The following RBFOX1 variants were observed in gnomAD, a reference collection of about 807,000 sequenced individuals.
RBFOX1 encodes RNA binding protein fox-1 homolog 1.
RBFOX1 carries 8 observed loss-of-function variants against 57.7 expected under a neutral mutation model. The observed-to-expected ratio is 0.14, with a 90% CI of 0.08 to 0.25. The LOEUF is 0.25. Among genes scored for constraint, RBFOX1 ranks in the 10% least tolerant of loss-of-function variants. The pLI is 1.00. For synonymous variants in RBFOX1, 326 were observed against 222.4 expected (o/e 1.47, Z -4.15); for missense variants, 611 against 548.5 (o/e 1.11, Z -1.14).
chr16:5,543,480 C>T (rs1031761905), intron 2 of RBFOX1, among the ~76,000 whole-genome samples: 1 of 151,936 alleles, frequency 6.6e-6, no homozygotes, highest in African/African-American at 2.4e-5. Context: ...AGAAACTGTC[C>T]AAAATTAAAC....
At chr16:7,703,756 T>A (rs1052800292) in intron 14 of RBFOX1, among the ~76,000 whole-genome samples, 6 of 152,212 alleles carry the variant, frequency 3.9e-5, no homozygotes, top group Non-Finnish European at 8.8e-5. Flanking sequence ...GGCTGCATAC[T>A]TATTCATTTT....
chr16:6,399,030 C>G (rs56927554), intron 2 of RBFOX1, among the ~76,000 whole-genome samples: 20,849 of 152,220 alleles, frequency 0.14, 2,605 homozygotes, highest in African/African-American at 0.31. Flanking sequence ...GTTCCCAAAC[C>G]TCAATGCTTG....
intron 2 of RBFOX1, among the ~76,000 whole-genome samples, chr16:6,607,157 G>C (rs2097944521): frequency 1.3e-5 from 2 of 152,154 alleles, no homozygotes; most frequent in Admixed American, 1.3e-4. Context: ...AAGCTTCCTA[G>C]AGAATTTGTG....
At chr16:6,948,879 C>T (rs1284981875) in intron 3 of RBFOX1, among the ~76,000 whole-genome samples, 1 of 152,082 alleles carries the variant, frequency 6.6e-6, no homozygotes, top group East Asian at 1.9e-4. Context: ...TTACAGTGAC[C>T]AGAGGGACAG....
chr16:6,672,688 C>G (rs1451550027), intron 3 of RBFOX1, among the ~76,000 whole-genome samples: 1 of 152,174 alleles, frequency 6.6e-6, no homozygotes, highest in African/African-American at 2.4e-5. Flanking sequence ...CATGATTCCG[C>G]TTCTGCTTTT....
At chr16:7,491,243 C>T (rs1049476099) in intron 4 of RBFOX1, among the ~76,000 whole-genome samples, 15 of 152,046 alleles carry the variant, frequency 9.9e-5, no homozygotes, top group African/African-American at 3.6e-4. Flanking sequence ...GGGGTTTCCT[C>T]CGCAGGAACA....
intron 1 of RBFOX1, among the ~76,000 whole-genome samples, chr16:5,347,025 G>T (rs1344569158): frequency 3.3e-5 from 5 of 151,884 alleles, no homozygotes; most frequent in Non-Finnish European, 5.9e-5. Flanking sequence ...CACCTACTTG[G>T]CTTGTTCCTG....
chr16:6,928,403 G>C (rs558895380), intron 3 of RBFOX1, among the ~76,000 whole-genome samples: 2 of 152,230 alleles, frequency 1.3e-5, no homozygotes, highest in South Asian at 4.2e-4. Context: ...TGGGAGCAGA[G>C]GTTGTTGTAG....
At chr16:6,021,114 TGAAAA>T (rs1397832520) in intron 1 of RBFOX1, among the ~76,000 whole-genome samples, 5 of 152,342 alleles carry the variant, frequency 3.3e-5, no homozygotes, top group Middle Eastern at 3.4e-3. Flanking sequence ...CAGTTGAACT[TGAAAA>T]GAAGTGGGGG....
At chr16:6,555,046 C>T (rs2097072111) in intron 2 of RBFOX1, among the ~76,000 whole-genome samples, 1 of 147,132 alleles carries the variant, frequency 6.8e-6, no homozygotes, top group South Asian at 2.1e-4. Flanking sequence ...GGGGAGAGGC[C>T]CAGAATATTA....
intron 2 of RBFOX1, among the ~76,000 whole-genome samples, chr16:5,576,743 C>G (rs1210855332): frequency 6.6e-6 from 1 of 152,214 alleles, no homozygotes; most frequent in Non-Finnish European, 1.5e-5. Context: ...GGTCCACCTT[C>G]TGGGTGGATG....
intron 11 of RBFOX1, 131 bp from the exon 12 acceptor site, chr16:7,653,684 A>T: frequency 7.5e-7 from 1 of 1,342,268 alleles, no homozygotes; most frequent in East Asian, 2.5e-5. Flanking sequence ...TAACCTCTTG[A>T]TTCCGGGAAG....
At chr16:7,217,909 TGTGTGTGTGA>T (rs1311601700) in intron 4 of RBFOX1, among the ~76,000 whole-genome samples, 1 of 151,422 alleles carries the variant, frequency 6.6e-6, no homozygotes, top group Non-Finnish European at 1.5e-5. Flanking sequence ...TGTGTGCATG[TGTGTGTGTGA>T]GTGTAGGTGT....
intron 11 of RBFOX1, among the ~76,000 whole-genome samples, chr16:7,639,617 G>T (rs1355646331): frequency 1.3e-5 from 2 of 152,082 alleles, no homozygotes; most frequent in African/African-American, 4.8e-5. Flanking sequence ...TAATGCTAAG[G>T]TTTCAGAATT....
intron 5 of RBFOX1, among the ~76,000 whole-genome samples, chr16:7,572,648 G>A (rs1414086133): frequency 1.3e-5 from 2 of 152,076 alleles, no homozygotes; most frequent in African/African-American, 2.4e-5. Context: ...GACCATCCTG[G>A]CTAACGCGGT....
At chr16:7,554,215 G>T (rs539743244) in intron 5 of RBFOX1, among the ~76,000 whole-genome samples, 1 of 152,364 alleles carries the variant, frequency 6.6e-6, no homozygotes, top group South Asian at 2.1e-4. Context: ...CTAGGATCGA[G>T]CTAGGGGAAC....
chr16:6,973,030 C>T (rs1018950103), intron 3 of RBFOX1, among the ~76,000 whole-genome samples: 1 of 152,092 alleles, frequency 6.6e-6, no homozygotes, highest in Non-Finnish European at 1.5e-5. Context: ...ACTTGGGAGG[C>T]TGAGGAAGTA....
intron 2 of RBFOX1, among the ~76,000 whole-genome samples, chr16:6,573,075 C>A (rs1190637737): frequency 6.6e-6 from 1 of 152,132 alleles, no homozygotes; most frequent in African/African-American, 2.4e-5. Context: ...ATTTTAATTT[C>A]TCGTTGATCT....
chr16:7,307,180 A>C (rs372443796), intron 4 of RBFOX1, among the ~76,000 whole-genome samples: 7 of 152,060 alleles, frequency 4.6e-5, no homozygotes, highest in African/African-American at 1.4e-4. Flanking sequence ...TTGTTTTATA[A>C]ATCCACAAAC....
Sources: gnomAD v4.1 joint callset for allele counts (sites outside exome capture counted in the v4.1 genomes callset) on GRCh38, gnomAD v4.1.1 for gene constraint, MANE v1.5 for transcripts, NCBI Gene and HGNC (gene_info 2026-07-23, HGNC 2026-07-21) for gene names.